Variants in CEP112 observed in about 807,000 individuals in gnomAD.
The protein encoded by CEP112 is centrosomal protein of 112 kDa.
A neutral mutation model predicts 153.0 loss-of-function variants in CEP112; 127 were observed. That is an observed-to-expected ratio of 0.83 (90% confidence interval 0.72 to 0.96). The LOEUF (loss-of-function observed/expected upper bound fraction) is 0.96. Ranked by LOEUF, CEP112 falls within the 40% of genes least tolerant of loss-of-function variation. The pLI is 0.00. For missense variants in CEP112, 1,089 were observed against 1,101.2 expected, an observed-to-expected ratio of 0.99 and a Z score of 0.16; for synonymous variants, 358 against 374.4, an observed-to-expected ratio of 0.96 and a Z score of 0.51.
Position 65,668,192 on chromosome 17 carries a change from G to A in CEP112, c.2697+20937C>T, listed in dbSNP as rs1317184338. Among the ~76,000 whole-genome samples the A allele has an allele frequency of 7.2e-5, 11 of 152,038 alleles. No individual in the cohort carries two copies. The East Asian group carries it at 1.7e-3, about 24-fold the overall frequency. ...ATTCCAGGCATGAGCCACTGCGCCC[G>A]GCCTCCTTGGGCACTATTCTTAGGG... On this transcript the variant is annotated intron_variant, in intron 24 of 26. Coordinates refer to ENST00000535342, the MANE Select transcript of CEP112 (RefSeq NM_001199165.4).
At chr17:65,652,291 C>T (rs999025685) in intron 24 of CEP112, among the ~76,000 whole-genome samples, 2 of 151,738 alleles carry the variant, frequency 1.3e-5, no homozygotes, top group Non-Finnish European at 2.9e-5. Flanking sequence ...GAGTTGTGCC[C>T]CTAATCTGTG....
chr17:66,127,705 G>A (rs1054925344), intron 6 of CEP112, among the ~76,000 whole-genome samples: 2 of 152,104 alleles, frequency 1.3e-5, no homozygotes, highest in Non-Finnish European at 2.9e-5. Flanking sequence ...CAAACAGTGT[G>A]ACTCCAACAT....
At chr17:65,706,804 C>A (rs2048938310) in intron 23 of CEP112, among the ~76,000 whole-genome samples, 1 of 152,218 alleles carries the variant, frequency 6.6e-6, no homozygotes. Flanking sequence ...TGTCTCTTTT[C>A]CTCTGGATGA....
intron 4 of CEP112, among the ~76,000 whole-genome samples, chr17:66,147,480 CAGTTTTTAATTTTGATGTAGAT>C (rs890816894): frequency 2.8e-4 from 43 of 151,956 alleles, no homozygotes; most frequent in Admixed American, 1.6e-3. Context: ...CTTTGATGTA[CAGTTTTTAATTTTGATGTAGAT>C]AGTTTTTAAT....
intron 16 of CEP112, among the ~76,000 whole-genome samples, chr17:66,026,529 T>G (rs2065219381): frequency 6.6e-6 from 1 of 152,168 alleles, no homozygotes; most frequent in South Asian, 2.1e-4. Context: ...TACATCCCAT[T>G]GATTGTGTAG....
chr17:66,135,639 T>A (rs2146570014), intron 4 of CEP112, among the ~76,000 whole-genome samples: 1 of 152,248 alleles, frequency 6.6e-6, no homozygotes, highest in East Asian at 1.9e-4. Flanking sequence ...TCAGTACATT[T>A]GTAACATTCC....
chr17:65,879,221 C>T (rs900625335), intron 20 of CEP112, among the ~76,000 whole-genome samples: 3 of 152,120 alleles, frequency 2.0e-5, no homozygotes, highest in Admixed American at 6.5e-5. Context: ...CATATCACAG[C>T]GAGGCCAGGA....
chr17:65,814,069 G>A (rs1052044538), intron 21 of CEP112, among the ~76,000 whole-genome samples: 1 of 152,206 alleles, frequency 6.6e-6, no homozygotes, highest in East Asian at 1.9e-4. Flanking sequence ...TCTCATAATA[G>A]AAAAGAGATG....
At chr17:66,054,039 A>G (rs1451857153) in intron 11 of CEP112, among the ~76,000 whole-genome samples, 160 bp from the exon 12 acceptor site, 1 of 152,242 alleles carries the variant, frequency 6.6e-6, no homozygotes, top group African/African-American at 2.4e-5. Context: ...AGGTAAAGAT[A>G]TCATATAAAA....
chr17:65,836,811 C>CT (rs1328087717), intron 21 of CEP112, among the ~76,000 whole-genome samples: 3 of 151,852 alleles, frequency 2.0e-5, no homozygotes, highest in Admixed American at 1.3e-4. Context: ...CCCTCTCCCT[C>CT]TCCCCATCCC....
intron 2 of CEP112, chr17:66,182,240 T>C (rs2072750198): frequency 6.6e-6 from 1 of 152,248 alleles, no homozygotes; most frequent in Non-Finnish European, 1.5e-5. Context: ...TTCTATTTTA[T>C]TATTAGCTAT....
chr17:65,962,614 G>A (rs1443282868), intron 17 of CEP112, among the ~76,000 whole-genome samples: 1 of 152,220 alleles, frequency 6.6e-6, no homozygotes, highest in Non-Finnish European at 1.5e-5. Flanking sequence ...TTGGCTCTGT[G>A]TCCCCACCCA....
At position 65,880,827 on chromosome 17, in the gene CEP112, T is replaced by A. The variant is rs184089962; in HGVS notation, c.2163+21325A>T. Among the ~76,000 whole-genome samples the A allele has an allele frequency of 1.0e-3, 157 of 152,326 alleles. 1 individual carries two copies. The highest frequency in any genetic ancestry group is 1.2e-3 in the Admixed American group (18 of 15,312). On this transcript the variant is annotated intron_variant, in intron 20 of 26. Coordinates refer to ENST00000535342, the MANE Select transcript of CEP112 (RefSeq NM_001199165.4). Reference sequence around the variant, plus strand: ...TTATTCAAGCAATAAAATCTTTTGATTGTTCAACCTCGGGTCTTTACCTAA... The same window carrying A: ...TTATTCAAGCAATAAAATCTTTTGAATGTTCAACCTCGGGTCTTTACCTAA...
intron 19 of CEP112, among the ~76,000 whole-genome samples, chr17:65,923,612 T>C (rs1417521030): frequency 6.6e-6 from 1 of 152,182 alleles, no homozygotes; most frequent in East Asian, 1.9e-4. Flanking sequence ...TTAGCATTCA[T>C]AATTTTAATG....
At chr17:65,784,561 A>G (rs145494949) in intron 21 of CEP112, among the ~76,000 whole-genome samples, 32 of 152,104 alleles carry the variant, frequency 2.1e-4, no homozygotes, top group Non-Finnish European at 4.6e-4. Context: ...GCTGGCTGCA[A>G]CCTCTGCCTC....
At chr17:65,777,990 G>A (rs2053780821) in intron 21 of CEP112, among the ~76,000 whole-genome samples, 1 of 151,068 alleles carries the variant, frequency 6.6e-6, no homozygotes, top group African/African-American at 2.4e-5. Context: ...CACGTTGACA[G>A]TATTCTCCTG....
chr17:65,914,251 CTG>C (rs1212804026), intron 19 of CEP112, among the ~76,000 whole-genome samples: 1 of 149,564 alleles, frequency 6.7e-6, no homozygotes, highest in South Asian at 2.2e-4. Flanking sequence ...AATGAGATGT[CTG>C]TGTCTTAATC....
At chr17:66,027,849 T>C (rs925830406) in intron 15 of CEP112, among the ~76,000 whole-genome samples, 1 of 152,074 alleles carries the variant, frequency 6.6e-6, no homozygotes, top group East Asian at 1.9e-4. Context: ...ACCAAGTCAA[T>C]AAATATGGAA....
At chr17:66,130,656 A>G (rs534387674) in intron 5 of CEP112, among the ~76,000 whole-genome samples, 134 of 151,890 alleles carry the variant, frequency 8.8e-4, no homozygotes, top group South Asian at 6.7e-3. Context: ...GGCACCTGTA[A>G]TCCCAGCTAC....
Sources: gnomAD v4.1 joint callset for allele counts (sites outside exome capture counted in the v4.1 genomes callset) on GRCh38, gnomAD v4.1.1 for gene constraint, MANE v1.5 for transcripts, NCBI Gene and HGNC (gene_info 2026-07-23, HGNC 2026-07-21) for gene names.